Variants in CADM2 observed in about 807,000 individuals in gnomAD.
CADM2 encodes immunoglobulin superfamily member 4D.
In CADM2, 12 loss-of-function variants were observed where a neutral mutation model predicts 49.8. The ratio of observed to expected loss-of-function variants is 0.24; its 90% CI spans 0.15 to 0.39. The LOEUF (loss-of-function observed/expected upper bound fraction) is 0.39, where lower values mean the gene tolerates loss of function less well. Ranked by LOEUF, CADM2 falls within the 10% of genes least tolerant of loss-of-function variation. CADM2 has a pLI of 1.00. For missense variants in CADM2, 378 were observed against 492.3 expected, an observed-to-expected ratio of 0.77 and a Z score of 2.20; for synonymous variants, 214 against 175.4, an observed-to-expected ratio of 1.22 and a Z score of -1.74.
intron 8 of CADM2, among the ~76,000 whole-genome samples, chr3:85,977,686 G>A (rs768859166): frequency 5.3e-5 from 8 of 151,496 alleles, no homozygotes; most frequent in Non-Finnish European, 8.9e-5. Context: ...CATTTATAAT[G>A]TCGTTAAAGT....
intron 1 of CADM2, among the ~76,000 whole-genome samples, chr3:85,469,427 C>A (rs1291009302): frequency 6.6e-6 from 1 of 152,074 alleles, no homozygotes; most frequent in Non-Finnish European, 1.5e-5. Context: ...CCTGTGTGGA[C>A]AGACACGCCA....
intron 1 of CADM2, among the ~76,000 whole-genome samples, chr3:85,697,466 A>G (rs1394973169): frequency 6.6e-6 from 1 of 152,122 alleles, no homozygotes; most frequent in Non-Finnish European, 1.5e-5. Flanking sequence ...GAATATTAGT[A>G]ACAGTAAAAC....
At chr3:85,645,949 A>T (rs1465869874) in intron 1 of CADM2, among the ~76,000 whole-genome samples, 1 of 152,060 alleles carries the variant, frequency 6.6e-6, no homozygotes, top group East Asian at 1.9e-4. Flanking sequence ...TCTTTTAGAA[A>T]TGTATTTGAA....
chr3:85,798,764 T>C (rs1359400751), intron 2 of CADM2, among the ~76,000 whole-genome samples: 2 of 152,168 alleles, frequency 1.3e-5, no homozygotes, highest in East Asian at 3.9e-4. Context: ...TCTTTTTTGG[T>C]TCCATATGAA....
chr3:85,555,601 T>C (rs2061939517), intron 1 of CADM2, among the ~76,000 whole-genome samples: 2 of 152,098 alleles, frequency 1.3e-5, no homozygotes, highest in South Asian at 4.1e-4. Flanking sequence ...ACCCTAAGCC[T>C]AAATTATACT....
intron 2 of CADM2, among the ~76,000 whole-genome samples, chr3:85,786,032 G>A (rs928645245): frequency 6.6e-6 from 1 of 151,978 alleles, no homozygotes; most frequent in South Asian, 2.1e-4. Context: ...TCAATGATTC[G>A]TTATTAGCCC....
At chr3:85,099,160 C>A (rs2037917068) in intron 1 of CADM2, among the ~76,000 whole-genome samples, 1 of 152,118 alleles carries the variant, frequency 6.6e-6, no homozygotes, top group Non-Finnish European at 1.5e-5. Context: ...AATAGAATAT[C>A]AAACTATTTA....
At chr3:85,602,222 T>C (rs2107402403) in intron 1 of CADM2, among the ~76,000 whole-genome samples, 1 of 151,954 alleles carries the variant, frequency 6.6e-6, no homozygotes, top group East Asian at 1.9e-4. Flanking sequence ...TATGTTCTAA[T>C]GCTCCCTGTT....
At chr3:85,703,265 A>G (rs1029308147) in intron 1 of CADM2, among the ~76,000 whole-genome samples, 1 of 152,148 alleles carries the variant, frequency 6.6e-6, no homozygotes, top group Admixed American at 6.5e-5. Flanking sequence ...GGTGATTAGC[A>G]GGATCAGCAC....
At chr3:85,686,681 C>G (rs989211886) in intron 1 of CADM2, among the ~76,000 whole-genome samples, 1 of 152,066 alleles carries the variant, frequency 6.6e-6, no homozygotes, top group Non-Finnish European at 1.5e-5. Flanking sequence ...AATCACTAAG[C>G]TAAAGAGAAG....
At chr3:85,773,156 CACAAA>C (rs142599135) in intron 2 of CADM2, among the ~76,000 whole-genome samples, 9,154 of 151,874 alleles carry the variant, frequency 0.06, 430 homozygotes, top group Non-Finnish European at 0.086. Context: ...CTTCTTAAAA[CACAAA>C]ACAAAATAAA....
chr3:85,013,998 T>C (rs973091733), intron 1 of CADM2, among the ~76,000 whole-genome samples: 32 of 144,036 alleles, frequency 2.2e-4, no homozygotes, highest in Middle Eastern at 4.2e-3. Flanking sequence ...ATACGCAGTG[T>C]AATAATATTG....
intron 1 of CADM2, among the ~76,000 whole-genome samples, chr3:85,687,783 G>A (rs2066258869): frequency 6.6e-6 from 1 of 152,132 alleles, no homozygotes; most frequent in Admixed American, 6.5e-5. Context: ...GTTTTTTCTA[G>A]AGCAAGGGTC....
chr3:85,224,312 T>G (rs2042103980), intron 1 of CADM2, among the ~76,000 whole-genome samples: 1 of 152,164 alleles, frequency 6.6e-6, no homozygotes, highest in African/African-American at 2.4e-5. Context: ...ATTGATGGTA[T>G]CTCATTGAGG....
chr3:85,019,657 G>T (rs1464949503), intron 1 of CADM2, among the ~76,000 whole-genome samples: 1 of 152,072 alleles, frequency 6.6e-6, no homozygotes, highest in East Asian at 1.9e-4. Context: ...CTAGCAAAAA[G>T]AACTCCAAGT....
At chr3:85,408,060 G>A (rs1324098468) in intron 1 of CADM2, among the ~76,000 whole-genome samples, 2 of 130,098 alleles carry the variant, frequency 1.5e-5, no homozygotes, top group Non-Finnish European at 3.4e-5. Context: ...GACTTAATCA[G>A]CAATAATTTT....
At chr3:85,674,815 T>A (rs1046992461) in intron 1 of CADM2, among the ~76,000 whole-genome samples, 3 of 152,140 alleles carry the variant, frequency 2.0e-5, no homozygotes, top group African/African-American at 7.2e-5. Flanking sequence ...GCAGCTCTAC[T>A]TTTATGCCAT....
intron 1 of CADM2, among the ~76,000 whole-genome samples, chr3:85,069,852 C>A (rs2036658035): frequency 6.6e-6 from 1 of 152,020 alleles, no homozygotes; most frequent in Non-Finnish European, 1.5e-5. Context: ...TCTGAAGAAG[C>A]TGATGTGATT....
Position 85,744,907 on chromosome 3 carries a change from G to A in CADM2, c.88+18359G>A, listed in dbSNP as rs563004894. 1.1e-3 allele frequency among the ~76,000 whole-genome samples: 167 copies of A among 152,284 alleles called. 1 individual carries two copies. The highest frequency in any genetic ancestry group is 1.7e-3 in the Admixed American group (26 of 15,288). The stretch of plus-strand genomic sequence containing the variant: ...TGGCAGGGCAGCGGAAGAATGGCAT[G>A]CTCTGCCTTATGAATTTAAATGGAA... On this transcript the variant is annotated intron_variant, in intron 2 of 9. Coordinates refer to ENST00000383699, the MANE Select transcript of CADM2 (RefSeq NM_001167675.2).
Sources: gnomAD v4.1 joint callset for allele counts (sites outside exome capture counted in the v4.1 genomes callset) on GRCh38, gnomAD v4.1.1 for gene constraint, MANE v1.5 for transcripts, NCBI Gene and HGNC (gene_info 2026-07-23, HGNC 2026-07-21) for gene names.